The following EXOC3L2 variants were observed in gnomAD, a reference collection of about 807,000 sequenced individuals.
EXOC3L2 encodes the protein exocyst complex component 3-like protein 2.
Under a neutral mutation model 44.4 loss-of-function variants are expected in EXOC3L2, and 17 were observed. The observed-to-expected ratio is 0.38, with a 90% confidence interval of 0.26 to 0.57. EXOC3L2 has a LOEUF of 0.57. Among genes scored for constraint, EXOC3L2 ranks in the 20% least tolerant of loss-of-function variants. EXOC3L2 has a pLI of 0.65. For synonymous variants in EXOC3L2, 256 were observed against 253.7 expected, an observed-to-expected ratio of 1.01 and a Z score of -0.09; for missense variants, 541 against 588.4, an observed-to-expected ratio of 0.92 and a Z score of 0.83.
At chr19:45,229,314 A>G (rs1463311015) in intron 4 of EXOC3L2, among the ~76,000 whole-genome samples, 5 of 144,468 alleles carry the variant, frequency 3.5e-5, no homozygotes, top group East Asian at 3.9e-4. Flanking sequence ...ATATTTATGT[A>G]TTAAATATAT....
At position 45,218,318 on chromosome 19, in the gene EXOC3L2, GGC is replaced by G; in HGVS notation, c.1720-1_1720del. The G allele has an allele frequency of 6.2e-7, 1 of 1,601,338 alleles. No individual in the cohort carries two copies. The highest frequency in any genetic ancestry group is 2.2e-5 in the East Asian group (1 of 44,620). Reference sequence around the variant, plus strand: ...CCGGCGCATCAGCTTGTTGAAGTGTGGCTGGCAGGGACAGAGTAGGGGGTCAC... The same window carrying G: ...CCGGCGCATCAGCTTGTTGAAGTGTGTGGCAGGGACAGAGTAGGGGGTCAC... On this transcript the variant is annotated splice_acceptor_variant and coding_sequence_variant, in exon 9 of 12. Coordinates refer to ENST00000413988, the MANE Select transcript of EXOC3L2 (RefSeq NM_001382422.1). LOFTEE classifies it high-confidence loss of function.
At chr19:45,226,017 G>A (rs346763) in intron 7 of EXOC3L2, among the ~76,000 whole-genome samples, 15,066 of 152,130 alleles carry the variant, frequency 0.099, 1,105 homozygotes, top group African/African-American at 0.2. Context: ...AGACTTTTCC[G>A]TTAGGGCATG....
intron 3 of EXOC3L2, among the ~76,000 whole-genome samples, chr19:45,232,075 T>C (rs973166803): frequency 1.3e-5 from 2 of 152,180 alleles, no homozygotes; most frequent in African/African-American, 2.4e-5. Flanking sequence ...AGCTCCCTGA[T>C]GGATGGTGTC....
In EXOC3L2 at chr19:45,238,968, C is replaced by T. The variant is rs934684289; in HGVS notation, c.78G>A (p.Arg26=). The change falls in exon 2 of 12, where the codon CGG becomes CGA. Residue 26 remains arginine, a synonymous_variant. Transcript: ENST00000413988. The surrounding 1 kb of genome is among the most constrained non-coding windows in gnomAD (Gnocchi z 5.5). ...GCCCTGAAACTTCTTCAAAGGGGTT[C>T]CGAGAGGACCTCAGGGGCAGGGTCC... ...RAGTLPLRSS[R]NPFEEVSGLE... The T allele has an allele frequency of 2.5e-6, 1 of 398,982 alleles. No homozygotes were observed. Among genetic ancestry groups the T allele is most frequent in the African/African-American group, 2.1e-5 (1 of 48,628 alleles). The allele number at this position is 398,982 out of a possible 1,614,324, so 24.7% of individuals were successfully genotyped here.
At position 45,224,910 on chromosome 19, in the gene EXOC3L2, A is replaced by C; in HGVS notation, c.1587T>G (p.Ala529=). 1.3e-6 allele frequency: 2 copies of C among 1,529,516 alleles called. No individual in the cohort carries two copies. Among genetic ancestry groups the C allele is most frequent in the Non-Finnish European group, 1.8e-6 (2 of 1,137,258 alleles). The allele number at this position is 1,529,516 out of a possible 1,614,324, so 94.7% of individuals were successfully genotyped here. A position where few individuals can be genotyped will look rare whatever the true frequency, so the allele number is the denominator to read the frequency against. The change falls in exon 8 of 12, where the codon GCT becomes GCG. Residue 529 remains alanine (A), a synonymous_variant. Transcript: ENST00000413988. ...ALVNCGPPLR[A]LAERLARVGP... ...CCACCCGGGCCAGGCGCTCGGCCAG[A>C]GCTCTGTGGGGATCAACAGAGCCAA... is the stretch of plus-strand genomic sequence containing the variant.
At position 45,228,255 on chromosome 19, in the gene EXOC3L2, C is replaced by T. The variant is rs1381077175; in HGVS notation, c.1281G>A (p.Arg427=). 6.2e-7 allele frequency: 1 copy of T among 1,614,016 alleles called. No individual in the cohort carries two copies. Among genetic ancestry groups the T allele is most frequent in the South Asian group, 1.1e-5 (1 of 91,072 alleles). ...ECVTDVKAQT[R]AALLRVLQED... ...CCTGCAGCACACGGAGAAGGGCAGC[C>T]CGGGTCTGAGCCTACAGTAGGGAGA... The change falls in exon 5 of 12, where the codon CGG becomes CGA. Residue 427 remains arginine, a synonymous_variant. Coordinates refer to ENST00000413988, the MANE Select transcript of EXOC3L2 (RefSeq NM_001382422.1).
chr19:45,239,400 TAG>T (rs1425810384), intron 1 of EXOC3L2, among the ~76,000 whole-genome samples: 2 of 150,780 alleles, frequency 1.3e-5, no homozygotes, highest in Non-Finnish European at 3.0e-5. Context: ...GTATTTTTAG[TAG>T]AGACGGGGTT....
intron 8 of EXOC3L2, 125 bp from the exon 9 acceptor site, chr19:45,218,444 G>GA: frequency 8.0e-7 from 1 of 1,250,826 alleles, no homozygotes; most frequent in East Asian, 2.7e-5. Context: ...AACACAAGGG[G>GA]AAGAGATAGC....
In EXOC3L2 at chr19:45,224,912, C is replaced by A; in HGVS notation, c.1585G>T (p.Ala529Ser). 2 of 1,528,894 alleles carry A rather than the reference C, an allele frequency of 1.3e-6. No homozygotes were observed. Among genetic ancestry groups the A allele is most frequent in the Non-Finnish European group, 1.8e-6 (2 of 1,137,178 alleles). The allele number at this position is 1,528,894 out of a possible 1,614,324, so 94.7% of individuals were successfully genotyped here. The part of the protein sequence containing the change: ...ALVNCGPPLR[A>S]LAERLARVGP... ...ACCCGGGCCAGGCGCTCGGCCAGAG[C>A]TCTGTGGGGATCAACAGAGCCAAAA... The change falls in exon 8 of 12, where the codon GCT (alanine) becomes TCT (serine). Residue 529 changes from alanine (A) to serine (S), a missense_variant and splice_region_variant. Transcript: ENST00000413988.
At chr19:45,233,425 T>G (rs1479775711) in intron 3 of EXOC3L2, among the ~76,000 whole-genome samples, 1 of 152,140 alleles carries the variant, frequency 6.6e-6, no homozygotes, top group Non-Finnish European at 1.5e-5. Context: ...GAAAGCAGTG[T>G]AGGATTCTAG....
intron 4 of EXOC3L2, 80 bp from the exon 5 acceptor site, chr19:45,228,346 A>C: frequency 2.4e-6 from 3 of 1,226,112 alleles, no homozygotes; most frequent in African/African-American, 1.5e-5. Context: ...TCCCACCACA[A>C]TCCCCTAGCC....
At chr19:45,232,145 C>A (rs1293225713) in intron 3 of EXOC3L2, among the ~76,000 whole-genome samples, 2 of 152,152 alleles carry the variant, frequency 1.3e-5, no homozygotes, top group African/African-American at 4.8e-5. Flanking sequence ...AGGCTTCACC[C>A]ATGATCCATT....
intron 1 of EXOC3L2, 68 bp from the exon 2 acceptor site, chr19:45,239,129 T>A: frequency 2.5e-6 from 1 of 397,910 alleles, no homozygotes; most frequent in Non-Finnish European, 4.4e-6. Context: ...GGTGCCTCTG[T>A]GTACCGAGCA....
At chr19:45,225,435 A>G (rs1969948237) in intron 7 of EXOC3L2, among the ~76,000 whole-genome samples, 1 of 150,134 alleles carries the variant, frequency 6.7e-6, no homozygotes. Flanking sequence ...CACCCAGCTA[A>G]TTTTTTGTAT....
In EXOC3L2 at chr19:45,218,290, C is replaced by T. The variant is rs369579237; in HGVS notation, c.1749G>A (p.Lys583=). ...QPHFNKLMRR[K]WLSSPEALDG... is the part of the protein sequence containing the mutation. Reference sequence around the variant, plus strand: ...CCAGGGCCTCCGGGCTGCTCAGCCACTTCCGGCGCATCAGCTTGTTGAAGT... The same window carrying T: ...CCAGGGCCTCCGGGCTGCTCAGCCATTTCCGGCGCATCAGCTTGTTGAAGT... Residue 583 remains lysine (K), a synonymous_variant, in exon 9 of 12, where the codon AAG becomes AAA. Coordinates refer to ENST00000413988, the MANE Select transcript of EXOC3L2 (RefSeq NM_001382422.1). The T allele has an allele frequency of 2.6e-5, 42 of 1,608,502 alleles. No individual in the cohort carries two copies. The Admixed American group carries it at 4.2e-4, about 16-fold the overall frequency.
chr19:45,218,153 T>TG, intron 9 of EXOC3L2, 44 bp downstream of exon 9: 1 of 496,332 alleles, frequency 2.0e-6, no homozygotes, highest in Non-Finnish European at 3.0e-6. Flanking sequence ...CCTCCTCCCC[T>TG]CTTTTCCCCC....
Position 45,239,521 on chromosome 19 carries a change from T to A in EXOC3L2, c.-16-460A>T, listed in dbSNP as rs928885167. Among the ~76,000 whole-genome samples, 11 of 148,036 alleles carry A rather than the reference T, an allele frequency of 7.4e-5. No individual in the cohort carries two copies. In the Admixed American group the frequency reaches 7.5e-4, roughly 10 times the overall value. On this transcript the variant is annotated intron_variant, in intron 1 of 11. Coordinates refer to ENST00000413988, the MANE Select transcript of EXOC3L2 (RefSeq NM_001382422.1). ...GTGAGCCACCGCGCCTTGCCTCTTT[T>A]TTTTTTTTCTTTTGAGATGGAGTCT...
rs1969831153 is a variant in EXOC3L2, at chr19:45,216,075, G to A, written c.2118C>T (p.Ile706=). Residue 706 remains isoleucine (I), a splice_region_variant and synonymous_variant, in exon 11 of 12, where the codon ATC becomes ATT. Transcript: ENST00000413988. ...CTGGCCCAGGCGGGGTGTCTCACCT[G>A]ATGTCTGGGTAGTCGCGCACCAACA... The part of the protein sequence containing the change: ...VGVLVRDYPD[I]RQKHVAALLD... The A allele has an allele frequency of 1.9e-6, 3 of 1,613,800 alleles. No homozygotes were observed. The highest frequency in any genetic ancestry group is 2.2e-5 in the East Asian group (1 of 44,856).
At chr19:45,221,644 CTTTT>C (rs373572170) in intron 8 of EXOC3L2, among the ~76,000 whole-genome samples, 22 of 91,824 alleles carry the variant, frequency 2.4e-4, no homozygotes, top group African/African-American at 4.8e-4. Flanking sequence ...CCCAGCAGGG[CTTTT>C]TTTTTTTTTT....
Sources: gnomAD v4.1 joint callset for allele counts (sites outside exome capture counted in the v4.1 genomes callset) on GRCh38, gnomAD v4.1.1 for gene constraint, Gnocchi (gnomAD v3.1) non-coding constraint, MANE v1.5 for transcripts, NCBI Gene and HGNC (gene_info 2026-07-23, HGNC 2026-07-21) for gene names.